COL4A4: variants seen among roughly 807,000 people sequenced by gnomAD.
COL4A4 encodes collagen alpha-4(IV) chain.
A neutral mutation model predicts 192.9 loss-of-function variants in COL4A4; 105 were observed. The ratio of observed to expected loss-of-function variants is 0.54; its 90% CI spans 0.46 to 0.64. COL4A4 has a LOEUF of 0.64. Among genes scored for constraint, COL4A4 ranks in the 30% least tolerant of loss-of-function variants. The pLI is 0.00. For missense variants in COL4A4, 1,967 were observed against 2,169.3 expected, an observed-to-expected ratio of 0.91 and a Z score of 1.85; for synonymous variants, 762 against 769.9, an observed-to-expected ratio of 0.99 and a Z score of 0.17.
At chr2:227,066,848 T>C (rs1457359437) in intron 25 of COL4A4, among the ~76,000 whole-genome samples, 1 of 151,154 alleles carries the variant, frequency 6.6e-6, no homozygotes, top group African/African-American at 2.4e-5. Flanking sequence ...CATGACAGGA[T>C]CAAATTCAAA....
At chr2:227,065,799 ACT>A (rs1378874124) in intron 25 of COL4A4, among the ~76,000 whole-genome samples, 1 of 152,214 alleles carries the variant, frequency 6.6e-6, no homozygotes, top group African/African-American at 2.4e-5. Context: ...AAAACTGGAA[ACT>A]CTAAAAACCA....
chr2:227,126,826 A>C lies in COL4A4; in HGVS notation c.193-5678T>G, dbSNP rs1446046723. On this transcript the variant is annotated intron_variant, in intron 4 of 47. Coordinates refer to ENST00000396625, the MANE Select transcript of COL4A4 (RefSeq NM_000092.5). ...TACAGAGAATAATTCTATTTTCTTT[A>C]AATTGTTTCATGTAAAAGAATGGGT... Among the ~76,000 whole-genome samples, 6 of 152,336 alleles carry C rather than the reference A, an allele frequency of 3.9e-5. No individual in the cohort carries two copies. In the South Asian group the frequency reaches 1.2e-3, roughly 32 times the overall value.
chr2:227,025,891 G>C, intron 42 of COL4A4, 81 bp from the exon 43 acceptor site: 1 of 1,298,466 alleles, frequency 7.7e-7, no homozygotes, highest in Non-Finnish European at 1.1e-6. Context: ...TGTGGATTAG[G>C]ACAAAAATGA....
At chr2:227,052,503 T>C in intron 31 of COL4A4, 91 bp from the exon 32 acceptor site, 1 of 795,284 alleles carries the variant, frequency 1.3e-6, no homozygotes, top group Non-Finnish European at 2.2e-6. Flanking sequence ...AATCGCAAAT[T>C]CCCACTTAAC....
chr2:227,076,413 G>A (rs2059026933), intron 25 of COL4A4, among the ~76,000 whole-genome samples: 1 of 152,154 alleles, frequency 6.6e-6, no homozygotes, highest in African/African-American at 2.4e-5. Context: ...TTAATTAATG[G>A]TGTTGGGAAA....
chr2:227,083,307 T>C (rs561947082), intron 22 of COL4A4, among the ~76,000 whole-genome samples: 1 of 152,144 alleles, frequency 6.6e-6, no homozygotes, highest in African/African-American at 2.4e-5. Context: ...ATAGAAACAC[T>C]ATACAGAGCC....
In COL4A4 at chr2:227,030,593, G is replaced by A. The variant is rs752287593; in HGVS notation, c.3823C>T (p.Pro1275Ser). ...PPGPDGPRGAPGPPGLPGSVD... is the reference protein window; with the variant it reads ...PPGPDGPRGASGPPGLPGSVD... ...CTCCCAGGGAGGCCTGGAGGCCCAG[G>A]TGCTCCTGACCACAGAGAAGAGACA... Residue 1275 changes from proline (P) to serine (S), a missense_variant, in exon 41 of 48, where the codon CCT becomes TCT. Coordinates refer to ENST00000396625, the MANE Select transcript of COL4A4 (RefSeq NM_000092.5). The A allele has an allele frequency of 6.2e-7, 1 of 1,605,396 alleles. No individual in the cohort carries two copies. Among genetic ancestry groups the A allele is most frequent in the South Asian group, 1.1e-5 (1 of 90,130 alleles).
the COL4A4 span, chr2:226,988,785 C>G: frequency 2.4e-6 from 2 of 833,890 alleles, no homozygotes; most frequent in South Asian, 5.5e-5. Flanking sequence ...ACAAACTGTT[C>G]TCTATTTTAG....
At chr2:227,048,095 T>C (rs1973281065) in intron 34 of COL4A4, among the ~76,000 whole-genome samples, 1 of 152,128 alleles carries the variant, frequency 6.6e-6, no homozygotes, top group African/African-American at 2.4e-5. Context: ...GGTCACTCCA[T>C]AATGCTTCCA....
At chr2:227,086,268 C>G (rs1307839495) in intron 22 of COL4A4, among the ~76,000 whole-genome samples, 1 of 152,208 alleles carries the variant, frequency 6.6e-6, no homozygotes, top group African/African-American at 2.4e-5. Context: ...GGGCCAGAGA[C>G]AAGCAGACCA....
At chr2:227,164,267 T>A, upstream of COL4A4, 1 of 227,046 alleles carries the variant, frequency 4.4e-6, no homozygotes, top group Non-Finnish European at 8.7e-6. This position sits in a 1 kb window ranked among gnomAD's most constrained non-coding sequence, Gnocchi z 4.8. Context: ...CCCTCCACCC[T>A]GCGCAGCCAC....
chr2:227,148,840 C>CTT (rs567170955), intron 1 of COL4A4, among the ~76,000 whole-genome samples: 37 of 139,326 alleles, frequency 2.7e-4, no homozygotes, highest in African/African-American at 5.5e-4. Context: ...ATGTTACCAA[C>CTT]TTTTTTTTTT....
chr2:227,109,203 C>T (rs754992838), intron 10 of COL4A4, 21 bp downstream of exon 10: 8 of 1,609,680 alleles, frequency 5.0e-6, no homozygotes, highest in Non-Finnish European at 6.8e-6. Flanking sequence ...AAAGGGATCA[C>T]ATCAGCAGTG....
intron 37 of COL4A4, 76 bp from the exon 38 acceptor site, chr2:227,033,557 T>C (rs1968884008): frequency 9.8e-6 from 13 of 1,328,746 alleles, no homozygotes; most frequent in Non-Finnish European, 1.2e-5. Flanking sequence ...ACGCAGGCAC[T>C]GCCCAGCAGA....
At chr2:227,145,185 G>A (rs2063467270) in intron 2 of COL4A4, among the ~76,000 whole-genome samples, 1 of 152,136 alleles carries the variant, frequency 6.6e-6, no homozygotes. Context: ...CGGTGGCTCA[G>A]GCTTGTAATC....
chr2:226,995,278 G>T, the COL4A4 span, among the ~76,000 whole-genome samples: 1 of 152,144 alleles, frequency 6.6e-6, no homozygotes, highest in East Asian at 1.9e-4. Context: ...ATTTAGTACT[G>T]ACAGCTGAAG....
intron 22 of COL4A4, among the ~76,000 whole-genome samples, chr2:227,087,236 ACT>A (rs1003068880): frequency 6.6e-6 from 1 of 152,012 alleles, no homozygotes; most frequent in Non-Finnish European, 1.5e-5. Context: ...AATCTCATCC[ACT>A]CTCTGGCATG....
the COL4A4 span, among the ~76,000 whole-genome samples, chr2:226,987,464 G>A: frequency 6.6e-6 from 1 of 152,350 alleles, no homozygotes; most frequent in Non-Finnish European, 1.5e-5. Flanking sequence ...GCAGCTAGCT[G>A]GTAGGACAGG....
In COL4A4 at chr2:227,118,649, G is replaced by A. The variant is rs901711159; in HGVS notation, c.485C>T (p.Pro162Leu). 1.2e-6 allele frequency: 2 copies of A among 1,611,224 alleles called. No homozygotes were observed. Among genetic ancestry groups the A allele is most frequent in the African/African-American group, 2.7e-5 (2 of 74,862 alleles). Residue 162 changes from proline to leucine, a missense_variant, in exon 7 of 48, where the codon CCC becomes CTC. By Grantham distance (98) the Pro-to-Leu change is moderately conservative. Coordinates refer to ENST00000396625, the MANE Select transcript of COL4A4 (RefSeq NM_000092.5). ...GATGAACTGTGGGTATCTTACTAGG[G>A]GGCCTCCTGGGCCAAGAGCTCCTCT... ...GGRGALGPGG[P>L]LGHPGEKGEK...
Sources: allele counts gnomAD v4.1 joint callset (sites outside exome capture counted in the v4.1 genomes callset), GRCh38; gene constraint gnomAD v4.1.1; non-coding constraint Gnocchi (gnomAD v3.1); transcripts MANE v1.5; gene names NCBI Gene and HGNC (gene_info 2026-07-23, HGNC 2026-07-21).